Variants in SMOC1 observed in about 807,000 individuals in gnomAD.
SMOC1 encodes the protein SPARC-related modular calcium-binding protein 1.
Under a neutral mutation model 56.3 loss-of-function variants are expected in SMOC1, and 22 were observed. The observed-to-expected ratio is 0.39, with a 90% confidence interval of 0.28 to 0.56. The LOEUF is 0.56. Among genes scored for constraint, SMOC1 ranks in the 20% least tolerant of loss-of-function variants. The probability of loss-of-function intolerance (pLI) is 0.61; values close to 1 mark genes in which losing one functional copy is unlikely to be tolerated. For missense variants in SMOC1, 509 were observed against 565.4 expected, an observed-to-expected ratio of 0.90 and a Z score of 1.01; for synonymous variants, 193 against 215.0, an observed-to-expected ratio of 0.90 and a Z score of 0.89.
In SMOC1 at chr14:69,885,240, C is replaced by T. The variant is rs1594785323; in HGVS notation, c.99+5463C>T. 1.3e-5 allele frequency: 10 copies of T among 741,312 alleles called. No homozygotes were observed. The South Asian group carries it at 1.9e-4, about 14-fold the overall frequency. The allele number at this position is 741,312 out of a possible 1,614,324, so 45.9% of individuals were successfully genotyped here. A position where few individuals can be genotyped will look rare whatever the true frequency, so the allele number is the denominator to read the frequency against. ...ACAGAGCATTCTTTTTGCTTAGGAA[C>T]GATTACTCTCTCCTTCGAACAACTT... On this transcript the variant is annotated intron_variant, in intron 1 of 11. Transcript: ENST00000361956.
At chr14:69,901,268 C>T (rs1405678692) in intron 1 of SMOC1, among the ~76,000 whole-genome samples, 1 of 152,220 alleles carries the variant, frequency 6.6e-6, no homozygotes, top group Non-Finnish European at 1.5e-5. Flanking sequence ...CATCTTTGTT[C>T]AGGGCCTGAA....
intron 1 of SMOC1, among the ~76,000 whole-genome samples, chr14:69,938,234 G>A (rs557324990): frequency 6.6e-6 from 1 of 152,242 alleles, no homozygotes; most frequent in East Asian, 1.9e-4. Context: ...ATACTCTCCA[G>A]GGGCTGGGAG....
intron 1 of SMOC1, among the ~76,000 whole-genome samples, chr14:69,928,694 T>C (rs1408454120): frequency 6.6e-6 from 1 of 152,112 alleles, no homozygotes; most frequent in Non-Finnish European, 1.5e-5. Context: ...CACATATCAA[T>C]TTGGGAGGAA....
intron 3 of SMOC1, among the ~76,000 whole-genome samples, chr14:69,954,956 T>G (rs1424369929): frequency 6.6e-6 from 1 of 152,150 alleles, no homozygotes; most frequent in East Asian, 1.9e-4. Flanking sequence ...GGTTGAGGAT[T>G]GGATATCAGC....
At chr14:69,906,970 G>A (rs1022485276) in intron 1 of SMOC1, among the ~76,000 whole-genome samples, 8 of 152,176 alleles carry the variant, frequency 5.3e-5, no homozygotes, top group African/African-American at 1.9e-4. Context: ...GATTTGAGAA[G>A]AGAAAAAGGT....
rs75173948 is a variant in SMOC1 at position 69,907,141 on chromosome 14, G to T, written c.99+27364G>T. 8.5e-4 allele frequency among the ~76,000 whole-genome samples: 130 copies of T among 152,206 alleles called. 1 individual carries two copies. In the East Asian group the frequency reaches 0.018, roughly 21 times the overall value. ...TGGAGGAGACAATTTCTGAGGCTAG[G>T]GGCCATGACTATTTTAAGTTCTGGG... On this transcript the variant is annotated intron_variant, in intron 1 of 11. Transcript: ENST00000361956.
At chr14:70,008,086 T>C (rs1421284801) in intron 7 of SMOC1, among the ~76,000 whole-genome samples, 2 of 152,100 alleles carry the variant, frequency 1.3e-5, no homozygotes, top group Non-Finnish European at 2.9e-5. Context: ...CTATCCCCCA[T>C]TTTTCCAAAT....
chr14:69,915,279 G>T (rs1884658254), intron 1 of SMOC1, among the ~76,000 whole-genome samples: 1 of 152,072 alleles, frequency 6.6e-6, no homozygotes, highest in Non-Finnish European at 1.5e-5. Flanking sequence ...GTTTCTTCAG[G>T]TTACCATTAC....
At chr14:70,025,953 C>T (rs948108781) in intron 11 of SMOC1, among the ~76,000 whole-genome samples, 2 of 152,176 alleles carry the variant, frequency 1.3e-5, no homozygotes, top group African/African-American at 4.8e-5. Flanking sequence ...AAGTTCAATA[C>T]TACTATTCTT....
At chr14:69,973,286 C>T (rs540334248) in intron 3 of SMOC1, among the ~76,000 whole-genome samples, 1 of 152,336 alleles carries the variant, frequency 6.6e-6, no homozygotes, top group East Asian at 1.9e-4. Flanking sequence ...ATTCTCACCA[C>T]CGCCACTCCA....
chr14:69,996,272 G>A (rs1884761441), intron 7 of SMOC1, among the ~76,000 whole-genome samples: 1 of 152,216 alleles, frequency 6.6e-6, no homozygotes, highest in Admixed American at 6.5e-5. Context: ...ATCAGGTCCT[G>A]TGGAACTTTA....
At chr14:69,954,078 T>C (rs750889929) in intron 3 of SMOC1, among the ~76,000 whole-genome samples, 7 of 152,226 alleles carry the variant, frequency 4.6e-5, no homozygotes, top group Non-Finnish European at 5.9e-5. Context: ...AGTCAGGCAG[T>C]CCTACCTCTC....
At chr14:69,915,409 C>T (rs533658013) in intron 1 of SMOC1, among the ~76,000 whole-genome samples, 3 of 152,314 alleles carry the variant, frequency 2.0e-5, no homozygotes, top group Admixed American at 6.5e-5. Context: ...CTCGTACTTA[C>T]TCAAGGACAT....
intron 1 of SMOC1, among the ~76,000 whole-genome samples, chr14:69,914,557 T>G (rs571875600): frequency 6.6e-6 from 1 of 151,036 alleles, no homozygotes; most frequent in South Asian, 2.1e-4. Context: ...CGATCAGAAG[T>G]GGGAGACACC....
At chr14:70,028,251 CG>C (rs955637550) in intron 11 of SMOC1, among the ~76,000 whole-genome samples, 2 of 152,134 alleles carry the variant, frequency 1.3e-5, no homozygotes, top group Admixed American at 6.5e-5. Context: ...GTGAGGCAGG[CG>C]GGGTGGGGTC....
intron 1 of SMOC1, among the ~76,000 whole-genome samples, chr14:69,909,781 A>G (rs1255863637): frequency 6.6e-6 from 1 of 152,188 alleles, no homozygotes; most frequent in Non-Finnish European, 1.5e-5. Context: ...TCTCATGGAT[A>G]TTGGCCATTT....
chr14:69,900,031 C>A (rs1884201401), intron 1 of SMOC1, among the ~76,000 whole-genome samples: 1 of 152,206 alleles, frequency 6.6e-6, no homozygotes, highest in Non-Finnish European at 1.5e-5. Flanking sequence ...AAGCTTCTTA[C>A]ATACTCGCCA....
At position 69,939,838 on chromosome 14, in the gene SMOC1, G is replaced by T. The variant is rs139047082; in HGVS notation, c.100-12300G>T. On this transcript the variant is annotated intron_variant, in intron 1 of 11. Transcript: ENST00000361956. ...ACAAATAAGTTATAATTTCCTCTTT[G>T]CCCAAAGGATGCTTAGTGCTGGCTG... Among the ~76,000 whole-genome samples, 227 of 152,212 alleles carry T rather than the reference G, an allele frequency of 1.5e-3. 1 individual carries two copies. Among genetic ancestry groups the T allele is most frequent in the African/African-American group, 5.1e-3 (213 of 41,518 alleles).
At chr14:69,923,014 G>A (rs1010629391) in intron 1 of SMOC1, among the ~76,000 whole-genome samples, 6 of 150,282 alleles carry the variant, frequency 4.0e-5, no homozygotes, top group Non-Finnish European at 5.9e-5. Flanking sequence ...GCATGATCTC[G>A]GCTCACTGCA....
Sources: allele counts gnomAD v4.1 joint callset (sites outside exome capture counted in the v4.1 genomes callset), GRCh38; gene constraint gnomAD v4.1.1; transcripts MANE v1.5; gene names NCBI Gene and HGNC (gene_info 2026-07-23, HGNC 2026-07-21).